IGSF21: variants seen among roughly 807,000 people sequenced by gnomAD.
IGSF21 encodes the protein immunoglobulin superfamily member 21.
IGSF21 carries 28 observed loss-of-function variants against 46.8 expected under a neutral mutation model. The observed-to-expected ratio is 0.60, with a 90% CI of 0.44 to 0.82. The LOEUF is 0.82. Among genes scored for constraint, IGSF21 ranks in the 40% least tolerant of loss-of-function variants. IGSF21 has a pLI of 0.00. For synonymous variants in IGSF21, 284 were observed against 273.6 expected, an observed-to-expected ratio of 1.04 and a Z score of -0.38; for missense variants, 624 against 665.5, an observed-to-expected ratio of 0.94 and a Z score of 0.69.
chr1:18,183,799 G>T (rs116125975), intron 1 of IGSF21, among the ~76,000 whole-genome samples: 1 of 152,108 alleles, frequency 6.6e-6, no homozygotes, highest in African/African-American at 2.4e-5. Flanking sequence ...CTCGGGTGGC[G>T]GGTGGTGCGG....
intron 1 of IGSF21, among the ~76,000 whole-genome samples, chr1:18,171,110 T>G (rs1470596032): frequency 1.3e-5 from 2 of 152,174 alleles, no homozygotes; most frequent in East Asian, 3.9e-4. Context: ...AGCAAGTGTC[T>G]CGGTGTCTTG....
chr1:18,365,752 G>C lies in IGSF21; in HGVS notation c.1015+55G>C, dbSNP rs1380525253. 6.1e-6 allele frequency: 9 copies of C among 1,463,724 alleles called. No individual in the cohort carries two copies. The highest frequency in any genetic ancestry group is 1.8e-4 in the Middle Eastern group (1 of 5,636). The allele number at this position is 1,463,724 out of a possible 1,614,324, so 90.7% of individuals were successfully genotyped here. ...GCCCTTGCAGACCTGGGTGTGGGGA[G>C]AGCCTTGGAATAGGGTTCCTGGGCT... On this transcript the variant is annotated intron_variant, in intron 6 of 9. Coordinates refer to ENST00000251296, the MANE Select transcript of IGSF21 (RefSeq NM_032880.5). This position sits in a 1 kb window ranked among gnomAD's most constrained non-coding sequence, Gnocchi z 4.8.
chr1:18,188,395 A>C (rs2086924582), intron 1 of IGSF21, among the ~76,000 whole-genome samples: 1 of 152,186 alleles, frequency 6.6e-6, no homozygotes, highest in Non-Finnish European at 1.5e-5. Context: ...GGGTTAGTGC[A>C]TGCCAGTAAA....
intron 1 of IGSF21, among the ~76,000 whole-genome samples, chr1:18,122,690 G>A (rs188381466): frequency 6.7e-4 from 100 of 148,412 alleles, no homozygotes; most frequent in African/African-American, 2.3e-3. Context: ...GCACGGTCTC[G>A]GCTCACTACA....
intron 7 of IGSF21, 40 bp from the exon 8 acceptor site, chr1:18,376,760 G>A: frequency 6.5e-7 from 1 of 1,542,074 alleles, no homozygotes; most frequent in Non-Finnish European, 8.8e-7. Context: ...GGCAGAATGG[G>A]CCCTCCTGTG....
At chr1:18,289,600 TG>T (rs1362700794) in intron 2 of IGSF21, among the ~76,000 whole-genome samples, 2 of 152,136 alleles carry the variant, frequency 1.3e-5, no homozygotes, top group African/African-American at 4.8e-5. Flanking sequence ...CACAATGTGA[TG>T]GGCTTAAAAC....
At chr1:18,302,643 A>C (rs529598203) in intron 3 of IGSF21, among the ~76,000 whole-genome samples, 2 of 151,774 alleles carry the variant, frequency 1.3e-5, no homozygotes, top group South Asian at 4.2e-4. Flanking sequence ...CTCTCTCCCC[A>C]TGCATTCTTG....
intron 1 of IGSF21, among the ~76,000 whole-genome samples, chr1:18,187,460 A>C (rs71643498): frequency 0.01 from 1,545 of 152,334 alleles, 7 homozygotes; most frequent in Non-Finnish European, 0.015. Context: ...TACTTCTTAC[A>C]TGGCGACAGC....
chr1:18,280,342 C>G (rs74056588), intron 2 of IGSF21, among the ~76,000 whole-genome samples: 2,836 of 152,206 alleles, frequency 0.019, 107 homozygotes, highest in African/African-American at 0.064. Context: ...ATGCCTCTTC[C>G]CAATTGCCAC....
chr1:18,203,164 G>A (rs184900700), intron 1 of IGSF21, among the ~76,000 whole-genome samples: 1 of 152,294 alleles, frequency 6.6e-6, no homozygotes, highest in Non-Finnish European at 1.5e-5. Flanking sequence ...GAAACCTCAT[G>A]GTCCTTCCTG....
At chr1:18,347,814 G>C (rs1484354464) in intron 4 of IGSF21, among the ~76,000 whole-genome samples, 2 of 152,180 alleles carry the variant, frequency 1.3e-5, no homozygotes, top group Non-Finnish European at 2.9e-5. Flanking sequence ...TCGGAGCCTA[G>C]AGTGGAAACA....
At chr1:18,313,333 C>G (rs2085507869) in intron 3 of IGSF21, among the ~76,000 whole-genome samples, 1 of 152,172 alleles carries the variant, frequency 6.6e-6, no homozygotes, top group Non-Finnish European at 1.5e-5. Flanking sequence ...ACACTTCAGA[C>G]AAGAGTGAGA....
intron 1 of IGSF21, among the ~76,000 whole-genome samples, chr1:18,217,312 G>T (rs77276727): frequency 0.021 from 3,215 of 152,280 alleles, 112 homozygotes; most frequent in African/African-American, 0.073. Context: ...AGGAAAGGAT[G>T]GATGACCCAT....
chr1:18,246,268 A>T (rs1183789430), intron 2 of IGSF21, among the ~76,000 whole-genome samples: 2 of 152,054 alleles, frequency 1.3e-5, no homozygotes, highest in Non-Finnish European at 2.9e-5. Context: ...CTCAGTGCCC[A>T]GTGGGCCCCC....
At chr1:18,110,369 T>TGCGA (rs1267674833) in intron 1 of IGSF21, 2 of 152,400 alleles carry the variant, frequency 1.3e-5, no homozygotes, top group Non-Finnish European at 2.9e-5. Context: ...GAAGAGTCCG[T>TGCGA]GAGAGACGCA....
chr1:18,278,302 C>T (rs1433220793), intron 2 of IGSF21, among the ~76,000 whole-genome samples: 4 of 151,158 alleles, frequency 2.6e-5, no homozygotes, highest in African/African-American at 4.9e-5. Flanking sequence ...GGCAGTGGCG[C>T]GATCTCAGCT....
intron 2 of IGSF21, among the ~76,000 whole-genome samples, chr1:18,240,853 G>A (rs1006537638): frequency 2.0e-5 from 3 of 152,194 alleles, no homozygotes; most frequent in African/African-American, 7.2e-5. Flanking sequence ...GACCCTATTT[G>A]TTTCAGCTCT....
At chr1:18,258,221 C>A (rs74485688) in intron 2 of IGSF21, among the ~76,000 whole-genome samples, 1 of 152,064 alleles carries the variant, frequency 6.6e-6, no homozygotes, top group African/African-American at 2.4e-5. Context: ...TTGCACTGGG[C>A]TTTGTTGCTC....
intron 2 of IGSF21, among the ~76,000 whole-genome samples, chr1:18,288,836 T>G (rs1276941815): frequency 6.6e-6 from 1 of 152,198 alleles, no homozygotes; most frequent in Non-Finnish European, 1.5e-5. Flanking sequence ...AGATAAGCAC[T>G]TGTCTCCAGC....
Sources: gnomAD v4.1 joint callset for allele counts (sites outside exome capture counted in the v4.1 genomes callset) on GRCh38, gnomAD v4.1.1 for gene constraint, Gnocchi (gnomAD v3.1) non-coding constraint, MANE v1.5 for transcripts, NCBI Gene and HGNC (gene_info 2026-07-23, HGNC 2026-07-21) for gene names.